The following GPC6 variants were observed in gnomAD, a reference collection of about 807,000 sequenced individuals.
GPC6 encodes the protein glypican-6.
GPC6 carries 14 observed loss-of-function variants against 55.2 expected under a neutral mutation model. The ratio of observed to expected loss-of-function variants is 0.25; its 90% CI spans 0.17 to 0.40. The LOEUF is 0.40. Ranked by LOEUF, GPC6 falls within the 10% of genes least tolerant of loss-of-function variation. The pLI is 1.00. For missense variants in GPC6, 641 were observed against 708.5 expected (o/e 0.90, Z 1.08); for synonymous variants, 278 against 259.6 (o/e 1.07, Z -0.68).
At chr13:94,321,368 GA>G (rs1482547850) in intron 6 of GPC6, among the ~76,000 whole-genome samples, 12 of 152,114 alleles carry the variant, frequency 7.9e-5, no homozygotes, top group African/African-American at 2.7e-4. Flanking sequence ...ATTTTGCTGC[GA>G]TGAACATACA....
intron 3 of GPC6, among the ~76,000 whole-genome samples, chr13:93,854,663 T>C (rs1247368894): frequency 6.6e-6 from 1 of 151,788 alleles, no homozygotes; most frequent in Non-Finnish European, 1.5e-5. Context: ...TTTTAATTAT[T>C]GACTACAGAG....
At chr13:94,207,205 T>C (rs1288199948) in intron 4 of GPC6, among the ~76,000 whole-genome samples, 1 of 152,182 alleles carries the variant, frequency 6.6e-6, no homozygotes, top group African/African-American at 2.4e-5. Flanking sequence ...CTGTCTGAGA[T>C]ACCTGTTCCT....
intron 1 of GPC6, among the ~76,000 whole-genome samples, chr13:93,302,250 A>G (rs530652663): frequency 6.6e-6 from 1 of 152,296 alleles, no homozygotes; most frequent in South Asian, 2.1e-4. Flanking sequence ...GACAATGCTT[A>G]TTAATTGCCC....
At chr13:93,819,814 C>T (rs1341185503) in intron 2 of GPC6, among the ~76,000 whole-genome samples, 1 of 152,134 alleles carries the variant, frequency 6.6e-6, no homozygotes, top group African/African-American at 2.4e-5. Context: ...CCTAATCAGT[C>T]TTTCTTACTT....
intron 1 of GPC6, among the ~76,000 whole-genome samples, chr13:93,446,447 G>A (rs1190131733): frequency 6.6e-6 from 1 of 152,094 alleles, no homozygotes; most frequent in Non-Finnish European, 1.5e-5. Context: ...AGATAGGAGG[G>A]TATTAGTAGC....
chr13:93,500,728 C>G (rs905416092), intron 1 of GPC6, among the ~76,000 whole-genome samples: 1 of 152,044 alleles, frequency 6.6e-6, no homozygotes, highest in Non-Finnish European at 1.5e-5. Context: ...GAGAGGGCTT[C>G]CATATAATCA....
chr13:93,777,636 A>G (rs537372185), intron 2 of GPC6, among the ~76,000 whole-genome samples: 27 of 152,322 alleles, frequency 1.8e-4, no homozygotes, highest in Admixed American at 1.4e-3. Context: ...TTCCCTGTAT[A>G]GTAATAACAT....
At chr13:93,710,339 T>C (rs972213448) in intron 2 of GPC6, among the ~76,000 whole-genome samples, 1 of 151,826 alleles carries the variant, frequency 6.6e-6, no homozygotes, top group Non-Finnish European at 1.5e-5. Flanking sequence ...AGGTGGACTT[T>C]AAATGACCCA....
chr13:94,343,055 G>A, intron 6 of GPC6, among the ~76,000 whole-genome samples: 1 of 152,196 alleles, frequency 6.6e-6, no homozygotes, highest in Non-Finnish European at 1.5e-5. Flanking sequence ...GAAAGGCAGA[G>A]AATAAAGTAA....
intron 8 of GPC6, among the ~76,000 whole-genome samples, chr13:94,400,229 C>T (rs1262467791): frequency 1.3e-5 from 2 of 152,208 alleles, no homozygotes; most frequent in African/African-American, 4.8e-5. Flanking sequence ...TTATAAGCAT[C>T]AGCATCCTTA....
intron 3 of GPC6, among the ~76,000 whole-genome samples, chr13:93,918,420 A>T (rs558276325): frequency 2.0e-4 from 31 of 152,122 alleles, no homozygotes; most frequent in Non-Finnish European, 3.7e-4. Flanking sequence ...GCTCCTTCAG[A>T]GCTAACTCAA....
At chr13:94,029,785 T>A (rs1394191084) in intron 4 of GPC6, among the ~76,000 whole-genome samples, 4 of 152,196 alleles carry the variant, frequency 2.6e-5, no homozygotes, top group Non-Finnish European at 4.4e-5. Flanking sequence ...TGGCTTTTTG[T>A]CCTCAGTGCT....
At chr13:93,952,775 G>A (rs1879310329) in intron 3 of GPC6, among the ~76,000 whole-genome samples, 1 of 149,022 alleles carries the variant, frequency 6.7e-6, no homozygotes, top group African/African-American at 2.5e-5. Flanking sequence ...TGTGAGATGT[G>A]GGTGTGTATA....
chr13:94,378,104 A>G (rs1028666278), intron 6 of GPC6, among the ~76,000 whole-genome samples: 15 of 152,158 alleles, frequency 9.9e-5, no homozygotes, highest in Non-Finnish European at 2.1e-4. Flanking sequence ...CTAGATGACG[A>G]GTTAGTGGGT....
Position 93,428,784 on chromosome 13 carries a change from C to T in GPC6, c.161-116479C>T, listed in dbSNP as rs1352442420. Among the ~76,000 whole-genome samples, 5 of 152,080 alleles carry T rather than the reference C, an allele frequency of 3.3e-5. 1 individual carries two copies. Among genetic ancestry groups the T allele is most frequent in the South Asian group, 4.1e-4 (2 of 4,820 alleles). On this transcript the variant is annotated intron_variant, in intron 1 of 8. Coordinates refer to ENST00000377047, the MANE Select transcript of GPC6 (RefSeq NM_005708.5). ...GCATAAAACCTCTTCTTCCCTATAC[C>T]TCATACAGTTTTTTAGCCTAAGCTT...
chr13:93,746,843 A>G (rs975822808), intron 2 of GPC6, among the ~76,000 whole-genome samples: 3 of 152,336 alleles, frequency 2.0e-5, no homozygotes, highest in East Asian at 1.9e-4. Context: ...ATCTGGACCA[A>G]TGCTCTGAGA....
At chr13:94,393,808 A>G (rs1276802411) in intron 7 of GPC6, among the ~76,000 whole-genome samples, 2 of 152,166 alleles carry the variant, frequency 1.3e-5, no homozygotes, top group Admixed American at 6.5e-5. Flanking sequence ...TACTCCCCCA[A>G]TATGCAGTGC....
chr13:93,408,565 A>G (rs12868741), intron 1 of GPC6, among the ~76,000 whole-genome samples: 7,977 of 152,268 alleles, frequency 0.052, 309 homozygotes, highest in Non-Finnish European at 0.078. Context: ...CTGGTGAGCA[A>G]CAGGGAAGAA....
At chr13:93,926,522 C>T (rs1233161788) in intron 3 of GPC6, among the ~76,000 whole-genome samples, 2 of 152,100 alleles carry the variant, frequency 1.3e-5, no homozygotes, top group African/African-American at 4.8e-5. Context: ...GTAAAAATTG[C>T]TTAGGGCTAT....
Sources: allele counts gnomAD v4.1 joint callset (sites outside exome capture counted in the v4.1 genomes callset), GRCh38; gene constraint gnomAD v4.1.1; transcripts MANE v1.5; gene names NCBI Gene and HGNC (gene_info 2026-07-23, HGNC 2026-07-21).